Variants in CHD6 observed in about 807,000 individuals in gnomAD.
CHD6 encodes chromodomain helicase DNA binding protein 6, also known as ATP-dependent chromatin remodeler CHD6.
CHD6 carries 50 observed loss-of-function variants against 276.9 expected under a neutral mutation model. That is an observed-to-expected ratio of 0.18 (90% CI 0.14 to 0.23). The LOEUF (loss-of-function observed/expected upper bound fraction) is 0.23, where lower values mean the gene tolerates loss of function less well. Among genes scored for constraint, CHD6 ranks in the 10% least tolerant of loss-of-function variants. The pLI, the probability that CHD6 is intolerant of heterozygous loss-of-function variation, is 1.00. For missense variants in CHD6, 2,564 were observed against 3,365.8 expected (o/e 0.76, Z 5.89); for synonymous variants, 1,173 against 1,229.3 (o/e 0.95, Z 0.96).
intron 1 of CHD6, among the ~76,000 whole-genome samples, chr20:41,600,415 C>T (rs547928983): frequency 6.6e-5 from 10 of 152,124 alleles, no homozygotes; most frequent in South Asian, 2.1e-4. Context: ...CAGAACTAAG[C>T]GGAGTAGGGT....
chr20:41,572,213 G>C (rs1002681007), intron 1 of CHD6, among the ~76,000 whole-genome samples: 2 of 152,190 alleles, frequency 1.3e-5, no homozygotes, highest in African/African-American at 4.8e-5. Flanking sequence ...GAGGCAGCTG[G>C]AGGGACAACG....
At chr20:41,573,318 C>T (rs1403184351) in intron 1 of CHD6, among the ~76,000 whole-genome samples, 1 of 152,158 alleles carries the variant, frequency 6.6e-6, no homozygotes, top group African/African-American at 2.4e-5. Context: ...CCTTTCATTA[C>T]CTAGTATAGT....
intron 30 of CHD6, 124 bp from the exon 31 acceptor site, chr20:41,422,203 G>T: frequency 1.0e-6 from 1 of 966,250 alleles, no homozygotes; most frequent in Non-Finnish European, 1.5e-6. Flanking sequence ...GCAGTTTCAG[G>T]TGTGTGAGCC....
At chr20:41,536,030 T>C (rs1319911645) in intron 2 of CHD6, among the ~76,000 whole-genome samples, 1 of 151,874 alleles carries the variant, frequency 6.6e-6, no homozygotes, top group Non-Finnish European at 1.5e-5. Flanking sequence ...GTTGGGAGCT[T>C]TGAAAACATA....
At chr20:41,526,401 TA>T (rs951075641) in intron 3 of CHD6, among the ~76,000 whole-genome samples, 3 of 152,190 alleles carry the variant, frequency 2.0e-5, no homozygotes, top group Non-Finnish European at 4.4e-5. Flanking sequence ...TTAGCCTCAA[TA>T]AAGATCTCTC....
chr20:41,598,737 A>G (rs2045744421), intron 1 of CHD6, among the ~76,000 whole-genome samples: 1 of 152,194 alleles, frequency 6.6e-6, no homozygotes, highest in Non-Finnish European at 1.5e-5. Context: ...TTGGAAATCT[A>G]GCAAGATGAA....
chr20:41,589,641 C>G (rs1186585543), intron 1 of CHD6, among the ~76,000 whole-genome samples: 1 of 152,074 alleles, frequency 6.6e-6, no homozygotes, highest in Admixed American at 6.5e-5. Flanking sequence ...GAATAAAATA[C>G]CTAGGAATCC....
chr20:41,421,406 C>T lies in CHD6; in HGVS notation c.5229G>A (p.Gly1743=). Residue 1743 remains glycine (G), a synonymous_variant, in exon 31 of 37, where the codon GGG becomes GGA. Coordinates refer to ENST00000373233, the MANE Select transcript of CHD6 (RefSeq NM_032221.5). Reference sequence around the variant, plus strand: ...CCTCAGGGCCACCAGACTGGCAGTTCCCATCTTTGCTTATTGAGATGGTAA... The same window carrying T: ...CCTCAGGGCCACCAGACTGGCAGTTTCCATCTTTGCTTATTGAGATGGTAA... ...DVITISISKD[G]NCQSGGPEAE... 1 of 1,614,084 alleles carries T rather than the reference C, an allele frequency of 6.2e-7. No individual in the cohort carries two copies. Among genetic ancestry groups the T allele is most frequent in the Non-Finnish European group, 8.5e-7 (1 of 1,179,978 alleles).
chr20:41,566,777 T>C (rs1405772498), intron 1 of CHD6, among the ~76,000 whole-genome samples: 1 of 152,156 alleles, frequency 6.6e-6, no homozygotes, highest in Non-Finnish European at 1.5e-5. Flanking sequence ...TGGTGTCTCC[T>C]CCCGCAGGCT....
intron 8 of CHD6, 117 bp downstream of exon 8, chr20:41,497,267 A>T: frequency 1.4e-6 from 1 of 732,636 alleles, no homozygotes; most frequent in Non-Finnish European, 2.4e-6. Context: ...CACATTTATC[A>T]ATTTGACTTG....
At chr20:41,607,849 A>G (rs2045846288) in intron 1 of CHD6, among the ~76,000 whole-genome samples, 1 of 152,204 alleles carries the variant, frequency 6.6e-6, no homozygotes, top group Non-Finnish European at 1.5e-5. Flanking sequence ...TAATCATTAC[A>G]TATTTCTTTA....
At chr20:41,594,930 C>T (rs559692994) in intron 1 of CHD6, among the ~76,000 whole-genome samples, 14 of 152,232 alleles carry the variant, frequency 9.2e-5, no homozygotes, top group Non-Finnish European at 1.3e-4. Flanking sequence ...GTGCAGGTAG[C>T]ACCCTTCTGC....
rs971037237 is a variant in CHD6, at chr20:41,499,284, G to C, written c.915+11C>G. ...CTAATGATATAAAAGCTAGAAACAT[G>C]AGCCACCAACCTCCTGGACAGTCTT... is the stretch of plus-strand genomic sequence containing the variant. On this transcript the variant is annotated intron_variant, in intron 6 of 36. Transcript: ENST00000373233. 6.3e-7 allele frequency: 1 copy of C among 1,595,062 alleles called. No individual in the cohort carries two copies. Among genetic ancestry groups the C allele is most frequent in the Non-Finnish European group, 8.5e-7 (1 of 1,170,018 alleles).
chr20:41,518,415 G>T (rs569431172), intron 3 of CHD6, among the ~76,000 whole-genome samples: 1 of 152,104 alleles, frequency 6.6e-6, no homozygotes, highest in Non-Finnish European at 1.5e-5. Context: ...ACTTCACTAG[G>T]AGACTTGTGT....
At chr20:41,590,638 T>G (rs1334887033) in intron 1 of CHD6, among the ~76,000 whole-genome samples, 1 of 152,022 alleles carries the variant, frequency 6.6e-6, no homozygotes, top group Non-Finnish European at 1.5e-5. Flanking sequence ...ATCAGAGAAA[T>G]GCAAATCAAA....
chr20:41,449,149 C>T (rs1470694215), intron 23 of CHD6, among the ~76,000 whole-genome samples: 3 of 152,300 alleles, frequency 2.0e-5, no homozygotes, highest in Non-Finnish European at 4.4e-5. Context: ...GTGATTCACC[C>T]GCCCCGGCCT....
intron 33 of CHD6, 79 bp from the exon 34 acceptor site, chr20:41,415,717 T>C: frequency 9.6e-7 from 1 of 1,045,814 alleles, no homozygotes; most frequent in Non-Finnish European, 1.4e-6. Flanking sequence ...AGGCCTGATT[T>C]CCCTAGGCCT....
intron 2 of CHD6, among the ~76,000 whole-genome samples, chr20:41,533,772 G>A (rs758755312): frequency 3.3e-5 from 5 of 152,128 alleles, no homozygotes; most frequent in African/African-American, 4.8e-5. Context: ...CTGTGCCAAC[G>A]TGTTGTTAGC....
chr20:41,492,337 G>A (rs187375303), intron 10 of CHD6, among the ~76,000 whole-genome samples: 2 of 152,326 alleles, frequency 1.3e-5, no homozygotes, highest in African/African-American at 2.4e-5. Context: ...TATTAACTAT[G>A]TAAGTTTCTA....
Sources: gnomAD v4.1 joint callset for allele counts (sites outside exome capture counted in the v4.1 genomes callset) on GRCh38, gnomAD v4.1.1 for gene constraint, MANE v1.5 for transcripts, NCBI Gene and HGNC (gene_info 2026-07-23, HGNC 2026-07-21) for gene names.